Variants in ANO3 observed in about 807,000 individuals in gnomAD.
The protein encoded by ANO3 is anoctamin-3.
Under a neutral mutation model 144.8 loss-of-function variants are expected in ANO3, and 99 were observed. The observed-to-expected ratio is 0.68, with a 90% CI of 0.58 to 0.81. The LOEUF is 0.81. Ranked by LOEUF, ANO3 falls within the 30% of genes least tolerant of loss-of-function variation. The pLI, the probability that ANO3 is intolerant of heterozygous loss-of-function variation, is 0.00. For missense variants in ANO3, 905 were observed against 1,202.2 expected (o/e 0.75, Z 3.66); for synonymous variants, 414 against 392.6 (o/e 1.05, Z -0.64).
chr11:26,524,504 C>A (rs531465008), intron 6 of ANO3, among the ~76,000 whole-genome samples: 2 of 152,176 alleles, frequency 1.3e-5, no homozygotes, highest in South Asian at 4.2e-4. Flanking sequence ...TCCTATTAAC[C>A]CTGCTTTCTA....
chr11:26,217,433 T>C (rs1341496679), intron 1 of ANO3, among the ~76,000 whole-genome samples: 2 of 135,362 alleles, frequency 1.5e-5, no homozygotes, highest in African/African-American at 5.0e-5. Flanking sequence ...GAGGTAAAAA[T>C]GGCCTTTGTC....
At chr11:26,594,344 C>G (rs1377218996) in intron 14 of ANO3, among the ~76,000 whole-genome samples, 1 of 152,194 alleles carries the variant, frequency 6.6e-6, no homozygotes, top group Non-Finnish European at 1.5e-5. Context: ...CCAGAGATCA[C>G]CAAACTCTCG....
At position 26,332,187 on chromosome 11, in the gene ANO3, C is replaced by T. The variant is rs1234399892; in HGVS notation, c.-89C>T. On this transcript the variant is annotated 5_prime_UTR_variant, in exon 1 of 27. Transcript: ENST00000256737. ...GATTGCAGTGCGCTCGCTGAGGCTC[C>T]GGACCTTGGAGCGTCTAGAGTCTGG... is the stretch of plus-strand genomic sequence containing the variant. 1 of 1,611,450 alleles carries T rather than the reference C, an allele frequency of 6.2e-7. No homozygotes were observed. The highest frequency in any genetic ancestry group is 1.3e-5 in the African/African-American group (1 of 74,820).
intron 1 of ANO3, among the ~76,000 whole-genome samples, chr11:26,365,608 A>G (rs1024562614): frequency 6.6e-6 from 1 of 152,178 alleles, no homozygotes; most frequent in African/African-American, 2.4e-5. Context: ...AACCATGGGG[A>G]AGCCACCACA....
At chr11:26,597,761 GAAAA>G (rs1851679104) in intron 14 of ANO3, among the ~76,000 whole-genome samples, 1 of 151,884 alleles carries the variant, frequency 6.6e-6, no homozygotes, top group Admixed American at 6.6e-5. Flanking sequence ...AGCCCGTCTA[GAAAA>G]AAAATAAAAC....
chr11:26,419,551 T>C (rs1372897266), intron 1 of ANO3, among the ~76,000 whole-genome samples: 2 of 152,112 alleles, frequency 1.3e-5, no homozygotes, highest in Non-Finnish European at 2.9e-5. Flanking sequence ...TAATTATTCA[T>C]TTGGATACTG....
intron 14 of ANO3, chr11:26,563,157 G>C (rs761446061): frequency 6.2e-7 from 1 of 1,612,310 alleles, no homozygotes; most frequent in Non-Finnish European, 8.5e-7. Context: ...ATGGGAAAAT[G>C]AATCCGTTTT....
At chr11:26,449,767 T>G (rs1381981282) in intron 3 of ANO3, among the ~76,000 whole-genome samples, 1 of 149,122 alleles carries the variant, frequency 6.7e-6, no homozygotes, top group Admixed American at 6.6e-5. Context: ...TTTTTTTTTC[T>G]TTTGAGATGG....
chr11:26,276,225 G>A (rs1156415090), intron 1 of ANO3, among the ~76,000 whole-genome samples: 2 of 151,874 alleles, frequency 1.3e-5, no homozygotes, highest in African/African-American at 4.8e-5. Flanking sequence ...CTCAAATATC[G>A]TTGCATATGA....
chr11:26,370,381 A>G (rs983862530), intron 1 of ANO3, among the ~76,000 whole-genome samples: 2 of 152,074 alleles, frequency 1.3e-5, no homozygotes, highest in African/African-American at 2.4e-5. Context: ...AGTCAATTAA[A>G]CCTCTTTTCT....
At chr11:26,630,425 T>G (rs2133031618) in intron 18 of ANO3, among the ~76,000 whole-genome samples, 1 of 152,360 alleles carries the variant, frequency 6.6e-6, no homozygotes, top group Middle Eastern at 3.4e-3. Context: ...TCACTTGACA[T>G]TAATCAGGAA....
chr11:26,357,424 T>A (rs978445713), intron 1 of ANO3, among the ~76,000 whole-genome samples: 1 of 152,178 alleles, frequency 6.6e-6, no homozygotes, highest in Non-Finnish European at 1.5e-5. Context: ...AGTGGTGGTA[T>A]CCTATTGTGG....
At chr11:26,641,195 G>C (rs1310496230) in intron 21 of ANO3, among the ~76,000 whole-genome samples, 1 of 132,240 alleles carries the variant, frequency 7.6e-6, no homozygotes, top group Non-Finnish European at 1.8e-5. Flanking sequence ...TCCTTTTCAG[G>C]TGTGAGAAGC....
In ANO3 at chr11:26,362,937, G is replaced by A. The variant is rs537558537; in HGVS notation, c.46+30616G>A. Among the ~76,000 whole-genome samples the A allele has an allele frequency of 3.3e-5, 5 of 152,128 alleles. 1 individual carries two copies. In the South Asian group the frequency reaches 1.0e-3, roughly 32 times the overall value. ...GAATCTTCCCCTAAGACTCTTATAG[G>A]TCAATTGGTGAAATCCAAATATACA... is the stretch of plus-strand genomic sequence containing the variant. On this transcript the variant is annotated intron_variant, in intron 1 of 26. Transcript: ENST00000256737.
intron 4 of ANO3, among the ~76,000 whole-genome samples, chr11:26,476,432 G>A (rs1859972358): frequency 6.6e-6 from 1 of 151,984 alleles, no homozygotes; most frequent in African/African-American, 2.4e-5. Context: ...GAGGGCCCTG[G>A]TGTGGAAAGT....
intron 10 of ANO3, among the ~76,000 whole-genome samples, chr11:26,538,669 A>T (rs1472599905): frequency 6.6e-6 from 1 of 152,144 alleles, no homozygotes; most frequent in African/African-American, 2.4e-5. Flanking sequence ...AGTTCATTTG[A>T]CAGGTTTTTT....
intron 1 of ANO3, among the ~76,000 whole-genome samples, chr11:26,384,659 C>T (rs1467080210): frequency 1.3e-5 from 2 of 152,150 alleles, no homozygotes; most frequent in Non-Finnish European, 2.9e-5. Context: ...TTCCAGTTTT[C>T]CCCATTGTTC....
At chr11:26,498,840 A>G (rs1233759356) in intron 4 of ANO3, among the ~76,000 whole-genome samples, 5 of 151,878 alleles carry the variant, frequency 3.3e-5, no homozygotes, top group African/African-American at 1.2e-4. Flanking sequence ...AGTATAAATA[A>G]TCTTTAAACA....
At chr11:26,261,598 A>G (rs1005167305) in intron 1 of ANO3, among the ~76,000 whole-genome samples, 2 of 152,160 alleles carry the variant, frequency 1.3e-5, no homozygotes, top group African/African-American at 4.8e-5. Flanking sequence ...GACTTGACCC[A>G]TGGCTGGCCA....
Sources: gnomAD v4.1 joint callset for allele counts (sites outside exome capture counted in the v4.1 genomes callset) on GRCh38, gnomAD v4.1.1 for gene constraint, MANE v1.5 for transcripts, NCBI Gene and HGNC (gene_info 2026-07-23, HGNC 2026-07-21) for gene names.